The following DCHS2 variants were observed in gnomAD, a reference collection of about 807,000 sequenced individuals.
The protein encoded by DCHS2 is protocadherin-23.
DCHS2 carries 142 observed loss-of-function variants against 182.4 expected under a neutral mutation model. The ratio of observed to expected loss-of-function variants is 0.78; its 90% CI spans 0.68 to 0.89. The LOEUF is 0.89. Ranked by LOEUF, DCHS2 falls within the 40% of genes least tolerant of loss-of-function variation. The pLI, the probability that DCHS2 is intolerant of heterozygous loss-of-function variation, is 0.00. For missense variants in DCHS2, 4,319 were observed against 4,198.6 expected, an observed-to-expected ratio of 1.03 and a Z score of -0.79; for synonymous variants, 1,740 against 1,663.3, an observed-to-expected ratio of 1.05 and a Z score of -1.12.
intron 2 of DCHS2, among the ~76,000 whole-genome samples, chr4:154,369,294 T>C (rs1730531956): frequency 6.6e-6 from 1 of 152,234 alleles, no homozygotes; most frequent in South Asian, 2.1e-4. Flanking sequence ...ATTCTATGCC[T>C]CAGAACTTCT....
Position 154,235,326 on chromosome 4 carries a change from C to T in DCHS2, c.9326G>A (p.Arg3109Lys), listed in dbSNP as rs867486365. ...CTTTCTGTAGGGATGCTCATTTATC[C>T]TCTGGATTTCCTTATCTTCTGCAGT... ...GETAEDKEIQ[R>K]INEHPYRKCS... Residue 3109 changes from arginine to lysine, a missense_variant, in exon 20 of 20, where the codon AGG becomes AAG. By Grantham distance (26) the Arg-to-Lys change is conservative. Coordinates refer to ENST00000357232, the MANE Select transcript of DCHS2 (RefSeq NM_001358235.2). The T allele has an allele frequency of 3.1e-6, 5 of 1,613,956 alleles. No individual in the cohort carries two copies. The highest frequency in any genetic ancestry group is 2.7e-5 in the African/African-American group (2 of 74,926).
chr4:154,397,641 G>A (rs1247560752), intron 1 of DCHS2, among the ~76,000 whole-genome samples: 1 of 152,032 alleles, frequency 6.6e-6, no homozygotes, highest in African/African-American at 2.4e-5. Context: ...TTTTTAACCT[G>A]ACTGTGCCTA....
chr4:154,489,383 T>A lies in DCHS2; in HGVS notation c.1973A>T (p.Asp658Val), dbSNP rs563814177. ...LVSITVDDVN[D>V]NEPIFWRQVY... Reference sequence around the variant, plus strand: ...CTGCCTCCAGAAGATGGGCTCATTGTCATTCACATCATCTACGGTGATGCT... The same window carrying A: ...CTGCCTCCAGAAGATGGGCTCATTGACATTCACATCATCTACGGTGATGCT... The change falls in exon 1 of 20, where the codon GAC becomes GTC. Residue 658 changes from aspartate to valine, a missense_variant. Coordinates refer to ENST00000357232, the MANE Select transcript of DCHS2 (RefSeq NM_001358235.2). 6.4e-7 allele frequency: 1 copy of A among 1,551,524 alleles called. No individual in the cohort carries two copies. Among genetic ancestry groups the A allele is most frequent in the South Asian group, 1.2e-5 (1 of 84,006 alleles).
At chr4:154,449,219 G>GAAA (rs11437957) in intron 1 of DCHS2, among the ~76,000 whole-genome samples, 5 of 149,462 alleles carry the variant, frequency 3.3e-5, no homozygotes, top group Non-Finnish European at 4.4e-5. Flanking sequence ...CCCCAAAATT[G>GAAA]AAAAAAAAAA....
At position 154,320,728 on chromosome 4, in the gene DCHS2, C is replaced by T. The variant is rs372810438; in HGVS notation, c.4671G>A (p.Thr1557=). 3.8e-5 allele frequency: 62 copies of T among 1,613,878 alleles called. No individual in the cohort carries two copies. In the Admixed American group the frequency reaches 8.3e-4, roughly 22 times the overall value. Reference sequence around the variant, plus strand: ...ATGAGGGGTGGATGAGAAATGGATTCGTGCCAGGGTTGTGGGATTCAATGT... The same window carrying T: ...ATGAGGGGTGGATGAGAAATGGATTTGTGCCAGGGTTGTGGGATTCAATGT... ...QYYIESHNPG[T]NPFLIHPSFG... Residue 1557 remains threonine (T), a synonymous_variant, in exon 9 of 20, where the codon ACG becomes ACA. Transcript: ENST00000357232.
rs72731016 is a variant in DCHS2 at position 154,489,579 on chromosome 4, G to C, written c.1777C>G (p.Gln593Glu). 0.19 allele frequency: 287,610 copies of C among 1,550,418 alleles called. 28,621 individuals are homozygous for C. Among genetic ancestry groups the C allele is most frequent in the Admixed American group, 0.32 (16,416 of 50,850 alleles). The part of the protein sequence containing the change: ...LSAPCNLGSL[Q>E]SKMVHTAECG... ...TCTGCGGTGTGGACCATCTTTGATT[G>C]CAGGGAGCCGAGATTGCAGGGAGCC... Residue 593 changes from glutamine to glutamate, a missense_variant, in exon 1 of 20, where the codon CAA becomes GAA. Transcript: ENST00000357232.
intron 1 of DCHS2, among the ~76,000 whole-genome samples, chr4:154,381,786 G>A (rs961900367): frequency 2.0e-5 from 3 of 152,150 alleles, no homozygotes; most frequent in African/African-American, 7.2e-5. Context: ...AATCACAGAC[G>A]ACACAAACAA....
rs755026744 is a variant in DCHS2 at position 154,255,576 on chromosome 4, A to G, written c.6884T>C (p.Leu2295Pro). The G allele has an allele frequency of 3.1e-6, 5 of 1,614,070 alleles. No individual in the cohort carries two copies. The change falls in exon 16 of 20, where the codon CTG becomes CCG. Residue 2295 changes from leucine to proline, a missense_variant. Physicochemically the swap from Leu to Pro is moderately conservative, Grantham distance 98 (BLOSUM62 -3). Transcript: ENST00000357232. ...CGCTTTTGTTGTTATCACACCACTC[A>G]GTGCATCAATCTGGAATGCTTCTTC... Reference protein sequence around the residue: ...NQEEAFQIDALSGVITTKAIL... With the variant: ...NQEEAFQIDAPSGVITTKAIL...
intron 1 of DCHS2, among the ~76,000 whole-genome samples, chr4:154,386,406 C>T (rs1023691784): frequency 6.6e-6 from 1 of 152,192 alleles, no homozygotes; most frequent in Admixed American, 6.5e-5. Flanking sequence ...ATAACATGCT[C>T]ACATCTCTTT....
chr4:154,343,637 T>C, intron 3 of DCHS2: 1 of 1,483,570 alleles, frequency 6.7e-7, no homozygotes. Flanking sequence ...CCTCATCTCT[T>C]TCAACCTTCC....
At chr4:154,352,312 G>T (rs1037104735) in intron 3 of DCHS2, 5 of 152,218 alleles carry the variant, frequency 3.3e-5, no homozygotes, top group Admixed American at 1.3e-4. Context: ...GCAACAGCTT[G>T]CTTTATCCTC....
intron 3 of DCHS2, among the ~76,000 whole-genome samples, chr4:154,341,624 ATATC>A (rs978716058): frequency 2.6e-5 from 4 of 151,952 alleles, no homozygotes; most frequent in African/African-American, 9.7e-5. Flanking sequence ...ATACACACAC[ATATC>A]TATCTATATA....
At position 154,333,113 on chromosome 4, in the gene DCHS2, AG is replaced by A. The variant is rs758151965; in HGVS notation, c.3094del (p.Leu1032TrpfsTer20). The A allele has an allele frequency of 2.7e-5, 43 of 1,613,964 alleles. No individual in the cohort carries two copies. Among genetic ancestry groups the A allele is most frequent in the Non-Finnish European group, 3.5e-5 (41 of 1,180,024 alleles). ...QPGVFAIDRA[L>X]GVLFLNGSLG... ...GCTGCCGTTGAGGAACAGCACCCCC[AG>A]GGCTCTGTCGATGGCAAAGACGCCT... is the stretch of plus-strand genomic sequence containing the variant. On this transcript the variant is annotated frameshift_variant, in exon 5 of 20. Transcript: ENST00000357232. LOFTEE classifies it high-confidence loss of function.
At position 154,234,125 on chromosome 4, in the gene DCHS2, T is replaced by C. The variant is rs80039828; in HGVS notation, c.*411A>G. The stretch of plus-strand genomic sequence containing the variant: ...GCTATATGTTCTGACCTAAACTCAT[T>C]CTCCATTTAGCCTTTACTAGTTTGT... On this transcript the variant is annotated 3_prime_UTR_variant, in exon 20 of 20. Coordinates refer to ENST00000357232, the MANE Select transcript of DCHS2 (RefSeq NM_001358235.2). The C allele has an allele frequency of 0.01, 1,609 of 157,974 alleles. 23 individuals carry two copies. The highest frequency in any genetic ancestry group is 0.037 in the African/African-American group (1,532 of 41,682). The allele number at this position is 157,974 out of a possible 1,614,324, so 9.8% of individuals were successfully genotyped here.
Position 154,328,104 on chromosome 4 carries a change from G to C in DCHS2, c.4007C>G (p.Ser1336Ter). 1 of 1,600,592 alleles carries C rather than the reference G, an allele frequency of 6.2e-7. No individual in the cohort carries two copies. Among genetic ancestry groups the C allele is most frequent in the Non-Finnish European group, 8.5e-7 (1 of 1,173,366 alleles). ...DEGNNAEVTY[S>*]VSSEDSSDHF... Reference sequence around the variant, plus strand: ...ACAGTAAGTTTTACCTGAAGATACTGAGTATGTAACTTCTGCATTATTTCC... The same window carrying C: ...ACAGTAAGTTTTACCTGAAGATACTCAGTATGTAACTTCTGCATTATTTCC... The change falls in exon 7 of 20, where the codon TCA becomes TGA. Residue 1336 changes from serine to a stop codon, truncating the protein, a stop_gained. Transcript: ENST00000357232. LOFTEE classifies it high-confidence loss of function.
intron 7 of DCHS2, among the ~76,000 whole-genome samples, chr4:154,327,742 ACT>A (rs1201233372): frequency 1.3e-5 from 2 of 151,838 alleles, no homozygotes; most frequent in African/African-American, 4.8e-5. Flanking sequence ...GATGCTTGGA[ACT>A]CTTAGTCATA....
chr4:154,312,466 T>C (rs930583202), intron 10 of DCHS2, among the ~76,000 whole-genome samples: 2 of 152,184 alleles, frequency 1.3e-5, no homozygotes, highest in Admixed American at 6.5e-5. Flanking sequence ...GGAGGATGGC[T>C]TGAAGCCAGG....
intron 10 of DCHS2, among the ~76,000 whole-genome samples, chr4:154,309,459 T>C (rs1305650145): frequency 6.6e-6 from 1 of 152,156 alleles, no homozygotes; most frequent in Non-Finnish European, 1.5e-5. Context: ...CTCATTTCCT[T>C]CCCAGGGTCT....
chr4:154,336,037 T>A (rs980169436), intron 3 of DCHS2, among the ~76,000 whole-genome samples: 1 of 152,200 alleles, frequency 6.6e-6, no homozygotes, highest in Non-Finnish European at 1.5e-5. Flanking sequence ...AATTTTATCT[T>A]CTAAGGTATT....
Sources: gnomAD v4.1 joint callset for allele counts (sites outside exome capture counted in the v4.1 genomes callset) on GRCh38, gnomAD v4.1.1 for gene constraint, MANE v1.5 for transcripts, NCBI Gene and HGNC (gene_info 2026-07-23, HGNC 2026-07-21) for gene names.